Variants in ELAPOR2 observed in about 807,000 individuals in gnomAD.
The protein encoded by ELAPOR2 is endosome/lysosome-associated apoptosis and autophagy regulator family member 2.
In ELAPOR2, 89 loss-of-function variants were observed where a neutral mutation model predicts 120.7. That is an observed-to-expected ratio of 0.74 (90% CI 0.62 to 0.88). The LOEUF is 0.88. Among genes scored for constraint, ELAPOR2 ranks in the 40% least tolerant of loss-of-function variants. ELAPOR2 has a pLI of 0.00. For missense variants in ELAPOR2, 1,134 were observed against 1,251.6 expected (o/e 0.91, Z 1.42); for synonymous variants, 444 against 444.9 (o/e 1.00, Z 0.03).
chr7:86,924,189 A>G lies in ELAPOR2; in HGVS notation c.1399+1339T>C, dbSNP rs116129521. Among the ~76,000 whole-genome samples, 299 of 152,178 alleles carry G rather than the reference A, an allele frequency of 2.0e-3. 3 individuals are homozygous for G. Among genetic ancestry groups the G allele is most frequent in the African/African-American group, 7.1e-3 (293 of 41,554 alleles). ...TACCATTTCAATGCCACACACTAAT[A>G]CTGCAGAGATTTATACTTTTCATTT... On this transcript the variant is annotated intron_variant, in intron 10 of 21. Coordinates refer to ENST00000450689, the MANE Select transcript of ELAPOR2 (RefSeq NM_001142749.3).
chr7:87,027,661 T>C (rs992162025), intron 1 of ELAPOR2, among the ~76,000 whole-genome samples: 2 of 152,110 alleles, frequency 1.3e-5, no homozygotes, highest in African/African-American at 4.8e-5. Flanking sequence ...TGAGGATGGA[T>C]GTGAAGAGAC....
At chr7:87,010,810 G>A (rs1793630772) in intron 1 of ELAPOR2, among the ~76,000 whole-genome samples, 1 of 151,680 alleles carries the variant, frequency 6.6e-6, no homozygotes, top group Non-Finnish European at 1.5e-5. Flanking sequence ...TTCAATCTGA[G>A]GTTGGTTGAA....
intron 1 of ELAPOR2, among the ~76,000 whole-genome samples, chr7:86,989,867 C>T (rs907841598): frequency 1.3e-5 from 2 of 151,896 alleles, no homozygotes; most frequent in Admixed American, 6.6e-5. Flanking sequence ...TTATTAGCCT[C>T]TCTATTCAGC....
intron 1 of ELAPOR2, among the ~76,000 whole-genome samples, chr7:87,013,473 C>G (rs1260733461): frequency 6.6e-6 from 1 of 152,076 alleles, no homozygotes; most frequent in Admixed American, 6.6e-5. Flanking sequence ...TCTTAGGTAA[C>G]ATGAGACAGC....
intron 1 of ELAPOR2, among the ~76,000 whole-genome samples, chr7:87,037,573 C>T (rs77084724): frequency 3.3e-5 from 5 of 152,100 alleles, no homozygotes; most frequent in South Asian, 2.1e-4. Context: ...ATTTTCTCCC[C>T]GTGAGAGAGG....
At chr7:87,042,073 T>A (rs1056507194) in intron 1 of ELAPOR2, among the ~76,000 whole-genome samples, 1 of 150,126 alleles carries the variant, frequency 6.7e-6, no homozygotes, top group Non-Finnish European at 1.5e-5. Flanking sequence ...ATCCTAAATA[T>A]ATATGCACCC....
intron 10 of ELAPOR2, among the ~76,000 whole-genome samples, chr7:86,923,464 A>C (rs1789917818): frequency 6.6e-6 from 1 of 152,068 alleles, no homozygotes; most frequent in Admixed American, 6.6e-5. Flanking sequence ...TTAATAACTT[A>C]ACAATGTTAC....
intron 1 of ELAPOR2, among the ~76,000 whole-genome samples, chr7:87,040,711 C>T (rs956305592): frequency 5.3e-5 from 8 of 152,348 alleles, no homozygotes; most frequent in African/African-American, 1.9e-4. Context: ...AGCGCCTCTC[C>T]TCCTCCAAAG....
chr7:87,029,046 A>T (rs913819681), intron 1 of ELAPOR2, among the ~76,000 whole-genome samples: 24 of 152,232 alleles, frequency 1.6e-4, no homozygotes, highest in African/African-American at 5.8e-4. Context: ...CCCTTTTCTG[A>T]CTTTTTAGAT....
At chr7:86,889,160 T>C (rs1370921148) in intron 21 of ELAPOR2, among the ~76,000 whole-genome samples, 2 of 152,222 alleles carry the variant, frequency 1.3e-5, no homozygotes, top group Non-Finnish European at 2.9e-5. Flanking sequence ...CAACTCACTG[T>C]CCATACATTG....
chr7:87,015,765 C>T (rs1194705657), intron 1 of ELAPOR2, among the ~76,000 whole-genome samples: 1 of 152,150 alleles, frequency 6.6e-6, no homozygotes, highest in Non-Finnish European at 1.5e-5. Flanking sequence ...GCAGAGGTTG[C>T]AGTGAGCCAA....
At position 87,021,752 on chromosome 7, in the gene ELAPOR2, C is replaced by T. The variant is rs1029641675; in HGVS notation, c.189+37573G>A. On this transcript the variant is annotated intron_variant, in intron 1 of 21. Transcript: ENST00000450689. ...AACACATTTATTTTTCAGCATTTTC[C>T]CAGCTAATCTCAGAACAAAGTCTAT... Among the ~76,000 whole-genome samples, 19 of 152,048 alleles carry T rather than the reference C, an allele frequency of 1.2e-4. 1 individual carries two copies. Among genetic ancestry groups the T allele is most frequent in the Admixed American group, 3.3e-4 (5 of 15,238 alleles).
In ELAPOR2 at chr7:86,983,101, A is replaced by C. The variant is rs1279280246; in HGVS notation, c.190-18077T>G. Among the ~76,000 whole-genome samples, 4 of 152,336 alleles carry C rather than the reference A, an allele frequency of 2.6e-5. 1 individual carries two copies. Among genetic ancestry groups the C allele is most frequent in the Non-Finnish European group, 5.9e-5 (4 of 68,034 alleles). ...AAAGGGTATCAGTGATTGCAGATTG[A>C]ATTAATGAAATAGAGCAAGAAGAGA... On this transcript the variant is annotated intron_variant, in intron 1 of 21. Transcript: ENST00000450689.
chr7:87,053,024 C>T (rs917757628), intron 1 of ELAPOR2, among the ~76,000 whole-genome samples: 1 of 152,066 alleles, frequency 6.6e-6, no homozygotes, highest in Non-Finnish European at 1.5e-5. Flanking sequence ...TCTTAAACTG[C>T]TTGGCTCAAG....
intron 1 of ELAPOR2, among the ~76,000 whole-genome samples, chr7:87,057,443 A>G (rs76446219): frequency 0.012 from 1,857 of 152,362 alleles, 42 homozygotes; most frequent in African/African-American, 0.041. Context: ...ATCAGGAAGA[A>G]CATAAATGGA....
chr7:86,891,227 T>C (rs1788146230), intron 21 of ELAPOR2: 1 of 152,096 alleles, frequency 6.6e-6, no homozygotes, highest in African/African-American at 2.4e-5. Flanking sequence ...CCCCCACTTT[T>C]ATATTATAAA....
chr7:87,058,912 G>A (rs1255242672), intron 1 of ELAPOR2, among the ~76,000 whole-genome samples: 5 of 152,026 alleles, frequency 3.3e-5, no homozygotes, highest in Non-Finnish European at 7.4e-5. Context: ...GGGGGAGGAG[G>A]AGCGGGAAAT....
chr7:87,028,352 T>A (rs1794314366), intron 1 of ELAPOR2, among the ~76,000 whole-genome samples: 1 of 152,120 alleles, frequency 6.6e-6, no homozygotes, highest in Admixed American at 6.6e-5. Context: ...TTTGATTTCA[T>A]CCATCAACCC....
chr7:87,040,530 C>G (rs1335489902), intron 1 of ELAPOR2, among the ~76,000 whole-genome samples: 1 of 152,164 alleles, frequency 6.6e-6, no homozygotes, highest in Non-Finnish European at 1.5e-5. Flanking sequence ...GCAGGGTATT[C>G]CAACAGACCT....
Sources: gnomAD v4.1 joint callset for allele counts (sites outside exome capture counted in the v4.1 genomes callset) on GRCh38, gnomAD v4.1.1 for gene constraint, MANE v1.5 for transcripts, NCBI Gene and HGNC (gene_info 2026-07-23, HGNC 2026-07-21) for gene names.